PCDHGA2: variants seen among roughly 807,000 people sequenced by gnomAD.
PCDHGA2 encodes the protein protocadherin gamma-A2.
PCDHGA2 carries 40 observed loss-of-function variants against 59.2 expected under a neutral mutation model. The observed-to-expected ratio is 0.68, with a 90% CI of 0.52 to 0.88. PCDHGA2 has a LOEUF of 0.88. Ranked by LOEUF, PCDHGA2 falls within the 40% of genes least tolerant of loss-of-function variation. PCDHGA2 has a pLI of 0.00. For synonymous variants in PCDHGA2, 560 were observed against 526.0 expected (o/e 1.06, Z -0.89); for missense variants, 1,226 against 1,204.0 (o/e 1.02, Z -0.27).
At chr5:141,355,221 C>T (rs756437082) in intron 1 of PCDHGA2, 18 of 1,608,638 alleles carry the variant, frequency 1.1e-5, no homozygotes, top group African/African-American at 4.0e-5. Context: ...CTCCTGCTCG[C>T]CCAGACCACA....
chr5:141,460,987 A>G (rs201722325), intron 1 of PCDHGA2, among the ~76,000 whole-genome samples: 34 of 92,988 alleles, frequency 3.7e-4, no homozygotes, highest in Middle Eastern at 5.0e-3. Flanking sequence ...GTGTGTGTAT[A>G]TATATATATG....
intron 2 of PCDHGA2, among the ~76,000 whole-genome samples, chr5:141,500,877 AT>A (rs369345007): frequency 5.2e-4 from 64 of 122,250 alleles, no homozygotes; most frequent in Admixed American, 1.0e-3. Context: ...TTCATTTACA[AT>A]TTTTTTTTTT....
Position 141,491,590 on chromosome 5 carries a change from G to A in PCDHGA2, c.2425-3217G>A, listed in dbSNP as rs376104513. ...GACGTGCTTTTCACCGGCCTCGGAC[G>A]GCAGTGACTTCACTTTTCTAAGACC... On this transcript the variant is annotated intron_variant, in intron 1 of 3. Transcript: ENST00000394576. The surrounding 1 kb of genome is among the most constrained non-coding windows in gnomAD (Gnocchi z 6.9). 15 of 1,613,828 alleles carry A rather than the reference G, an allele frequency of 9.3e-6. No homozygotes were observed. In the African/African-American group the frequency reaches 2.0e-4, roughly 22 times the overall value.
At chr5:141,399,719 G>A (rs773556952) in intron 1 of PCDHGA2, 13 of 1,613,168 alleles carry the variant, frequency 8.1e-6, no homozygotes, top group Non-Finnish European at 1.1e-5. Flanking sequence ...CTACAGGCCC[G>A]CGACCAGGGC....
chr5:141,419,729 G>T (rs1436631336), intron 1 of PCDHGA2: 1 of 1,613,758 alleles, frequency 6.2e-7, no homozygotes, highest in Admixed American at 1.7e-5. Context: ...GCTGCGAACA[G>T]GCGAGGTGCG....
At chr5:141,412,601 A>G (rs2095565422) in intron 1 of PCDHGA2, 1 of 152,188 alleles carries the variant, frequency 6.6e-6, no homozygotes, top group African/African-American at 2.4e-5. Context: ...ACTAAATAAA[A>G]TTGGCCTATT....
chr5:141,353,363 G>T (rs912033510), intron 1 of PCDHGA2, among the ~76,000 whole-genome samples: 7 of 152,124 alleles, frequency 4.6e-5, no homozygotes, highest in African/African-American at 1.7e-4. Flanking sequence ...TTATGTAATT[G>T]ATGTAATTAT....
intron 1 of PCDHGA2, chr5:141,357,345 G>A (rs1300447228): frequency 6.2e-7 from 1 of 1,613,990 alleles, no homozygotes. Flanking sequence ...TAGCACTCAA[G>A]CTGAGACGCT....
rs768206517 is a variant in PCDHGA2, at chr5:141,432,482, G to A, written c.2425-62325G>A. 10 of 1,614,060 alleles carry A rather than the reference G, an allele frequency of 6.2e-6. No homozygotes were observed. The highest frequency in any genetic ancestry group is 1.3e-5 in the African/African-American group (1 of 74,946). On this transcript the variant is annotated intron_variant, in intron 1 of 3. Coordinates refer to ENST00000394576, the MANE Select transcript of PCDHGA2 (RefSeq NM_018915.4). The surrounding 1 kb of genome is among the most constrained non-coding windows in gnomAD (Gnocchi z 6.0). ...CCTCCCCACGGACGGTTCCACTGGC[G>A]TGGAGCTGGCTCCCCGCTCCGCAGA...
chr5:141,454,796 A>ATTTTTTTTTTTTTTTTTTTTTTTTTTTT (rs61612330), intron 1 of PCDHGA2, among the ~76,000 whole-genome samples: 3 of 77,456 alleles, frequency 3.9e-5, no homozygotes, highest in Admixed American at 1.8e-4. Flanking sequence ...CATGGTTCTA[A>ATTTTTTTTTTTTTTTTTTTTTTTTTTTT]TTTTTTTTTT....
At chr5:141,423,470 A>C (rs904433654) in intron 1 of PCDHGA2, 54 of 1,613,884 alleles carry the variant, frequency 3.3e-5, no homozygotes, top group Non-Finnish European at 4.3e-5. Context: ...GACGGGGTAC[A>C]GGCTTTCCTG....
intron 1 of PCDHGA2, among the ~76,000 whole-genome samples, chr5:141,464,794 A>C (rs2154568597): frequency 6.6e-6 from 1 of 152,128 alleles, no homozygotes; most frequent in East Asian, 1.9e-4. Flanking sequence ...GCCAAATTGC[A>C]GTGATGCAGT....
intron 1 of PCDHGA2, chr5:141,388,189 G>A: frequency 1.3e-6 from 2 of 1,542,748 alleles, no homozygotes; most frequent in Admixed American, 1.7e-5. Context: ...AAGCCAGCTT[G>A]TGCTCTGGAA....
At chr5:141,500,619 G>A (rs1230172485) in intron 2 of PCDHGA2, among the ~76,000 whole-genome samples, 1 of 152,072 alleles carries the variant, frequency 6.6e-6, no homozygotes, top group East Asian at 1.9e-4. Context: ...CCAGTCATAC[G>A]GTACATTTCC....
chr5:141,403,571 G>T (rs778030830), intron 1 of PCDHGA2: 2 of 1,613,904 alleles, frequency 1.2e-6, no homozygotes, highest in South Asian at 1.1e-5. Flanking sequence ...GGAGGCAACT[G>T]CCCACCACCT....
intron 1 of PCDHGA2, chr5:141,399,654 G>A (rs2093857278): frequency 1.2e-6 from 2 of 1,613,586 alleles, no homozygotes. Flanking sequence ...AAAGTGGGGT[G>A]GTGTTCGCGC....
At chr5:141,377,889 C>A (rs914946378) in intron 1 of PCDHGA2, 2 of 152,056 alleles carry the variant, frequency 1.3e-5, no homozygotes, top group Non-Finnish European at 2.9e-5. Flanking sequence ...AGATAGGATC[C>A]CCCTCTGTTG....
intron 1 of PCDHGA2, chr5:141,478,214 C>T (rs1258200424): frequency 6.2e-7 from 1 of 1,614,140 alleles, no homozygotes; most frequent in Admixed American, 1.7e-5. Flanking sequence ...TTCTCTAATC[C>T]TGGTTTCTGT....
intron 1 of PCDHGA2, chr5:141,351,730 T>C (rs774894885): frequency 6.2e-7 from 1 of 1,613,666 alleles, no homozygotes; most frequent in East Asian, 2.2e-5. Context: ...TTCTGGCCAG[T>C]GACCTGGAGC....
Sources: allele counts gnomAD v4.1 joint callset (sites outside exome capture counted in the v4.1 genomes callset), GRCh38; gene constraint gnomAD v4.1.1; non-coding constraint Gnocchi (gnomAD v3.1); transcripts MANE v1.5; gene names NCBI Gene and HGNC (gene_info 2026-07-23, HGNC 2026-07-21).